HMBOX1: variants seen among roughly 807,000 people sequenced by gnomAD.
HMBOX1 encodes the protein homeobox containing 1, also known as homeobox-containing protein 1.
In HMBOX1, 14 loss-of-function variants were observed where a neutral mutation model predicts 54.5. That is an observed-to-expected ratio of 0.26 (90% CI 0.17 to 0.40). The LOEUF (loss-of-function observed/expected upper bound fraction) is 0.40. HMBOX1 is among the 10% of genes least tolerant of loss of function. HMBOX1 has a pLI of 1.00. For synonymous variants in HMBOX1, 160 were observed against 181.0 expected, an observed-to-expected ratio of 0.88 and a Z score of 0.93; for missense variants, 332 against 514.4, an observed-to-expected ratio of 0.65 and a Z score of 3.43.
intron 1 of HMBOX1, among the ~76,000 whole-genome samples, chr8:28,958,706 T>G (rs1387560882): frequency 6.6e-6 from 1 of 152,214 alleles, no homozygotes; most frequent in Non-Finnish European, 1.5e-5. Flanking sequence ...GCATGCAATC[T>G]TAATTTTATT....
Position 29,045,430 on chromosome 8 carries a change from T to C in HMBOX1, c.921T>C (p.Val307=). 6.2e-7 allele frequency: 1 copy of C among 1,614,000 alleles called. No individual in the cohort carries two copies. The highest frequency in any genetic ancestry group is 1.3e-5 in the African/African-American group (1 of 75,074). ...REEIANACNA[V]IQKPGKKLSD... is the part of the protein sequence containing the mutation. ...AAATTGCAAACGCTTGCAATGCAGT[T>C]ATACAGAAGCCAGGTAAGGTCGCAG... The change falls in exon 7 of 10, where the codon GTT becomes GTC. Residue 307 remains valine, a synonymous_variant. Coordinates refer to ENST00000287701, the MANE Select transcript of HMBOX1 (RefSeq NM_001135726.3).
At chr8:29,015,883 G>A (rs183593110) in intron 5 of HMBOX1, among the ~76,000 whole-genome samples, 2 of 152,310 alleles carry the variant, frequency 1.3e-5, no homozygotes, top group African/African-American at 2.4e-5. Context: ...GAATGAGCAT[G>A]AGCATGTTTC....
chr8:28,942,899 G>T (rs1326333063), intron 1 of HMBOX1, among the ~76,000 whole-genome samples: 1 of 152,144 alleles, frequency 6.6e-6, no homozygotes, highest in Admixed American at 6.5e-5. Context: ...GTTAAAAGTT[G>T]TTTGCATTGT....
chr8:28,897,674 TCAAA>T (rs1039100186), intron 1 of HMBOX1, among the ~76,000 whole-genome samples: 3 of 152,164 alleles, frequency 2.0e-5, no homozygotes, highest in Admixed American at 6.5e-5. Flanking sequence ...AGACTCTATC[TCAAA>T]CAAACAAACA....
intron 1 of HMBOX1, among the ~76,000 whole-genome samples, chr8:28,893,277 C>T (rs189673990): frequency 6.6e-6 from 1 of 152,236 alleles, no homozygotes; most frequent in Admixed American, 6.5e-5. Context: ...AAGCATAAAA[C>T]ATTCTCAGCA....
chr8:28,961,375 T>C lies in HMBOX1; in HGVS notation c.-57-2436T>C, dbSNP rs561274794. On this transcript the variant is annotated intron_variant, in intron 1 of 9. Transcript: ENST00000287701. ...TTAAATAATAACTTCTCATTATTCC[T>C]TGCCCATTTTACCCACCATGCTACT... 1.9e-4 allele frequency among the ~76,000 whole-genome samples: 29 copies of C among 152,314 alleles called. No individual in the cohort carries two copies. In the South Asian group the frequency reaches 6.0e-3, roughly 32 times the overall value.
intron 4 of HMBOX1, among the ~76,000 whole-genome samples, chr8:29,000,033 T>C (rs1832406269): frequency 6.6e-6 from 1 of 152,200 alleles, no homozygotes; most frequent in African/African-American, 2.4e-5. Context: ...TCCCTTGGAT[T>C]TATTATTGCT....
At chr8:28,896,512 TG>T (rs1812155598) in intron 1 of HMBOX1, among the ~76,000 whole-genome samples, 1 of 148,872 alleles carries the variant, frequency 6.7e-6, no homozygotes, top group African/African-American at 2.4e-5. Context: ...AACCAATTAT[TG>T]GATCAGTAAT....
intron 3 of HMBOX1, among the ~76,000 whole-genome samples, chr8:28,978,058 GATTA>G (rs1828730279): frequency 6.6e-6 from 1 of 152,184 alleles, no homozygotes; most frequent in African/African-American, 2.4e-5. Flanking sequence ...TTAGGCAGCT[GATTA>G]ATTTTTTCCT....
At position 29,052,841 on chromosome 8, in the gene HMBOX1, C is replaced by A. The variant is rs1806565917; in HGVS notation, c.*1686C>A. ...TATAATGAAGCCTTGTTTAAAGGGG[C>A]ATGTGGGGCTGGATGTTAAGCACGG... On this transcript the variant is annotated 3_prime_UTR_variant, in exon 10 of 10. Coordinates refer to ENST00000287701, the MANE Select transcript of HMBOX1 (RefSeq NM_001135726.3). The A allele has an allele frequency of 6.6e-6, 1 of 152,140 alleles. No homozygotes were observed. The highest frequency in any genetic ancestry group is 1.5e-5 in the Non-Finnish European group (1 of 68,046). The allele number at this position is 152,140 out of a possible 1,614,324, so 9.4% of individuals were successfully genotyped here. A position where few individuals can be genotyped will look rare whatever the true frequency, so the allele number is the denominator to read the frequency against.
At chr8:28,983,801 G>A (rs1007652622) in intron 4 of HMBOX1, among the ~76,000 whole-genome samples, 5 of 152,136 alleles carry the variant, frequency 3.3e-5, no homozygotes, top group African/African-American at 1.2e-4. Context: ...GTGAATTTTT[G>A]CCCTTAAGGA....
chr8:28,988,853 C>G (rs1830532350), intron 4 of HMBOX1, among the ~76,000 whole-genome samples: 2 of 151,908 alleles, frequency 1.3e-5, no homozygotes, highest in Non-Finnish European at 2.9e-5. Context: ...TACATATTTC[C>G]TAGTCTGAGG....
At position 28,901,922 on chromosome 8, in the gene HMBOX1, A is replaced by G. The variant is rs118000338; in HGVS notation, c.-58+11244A>G. 6.2e-3 allele frequency among the ~76,000 whole-genome samples: 937 copies of G among 152,298 alleles called. 8 individuals are homozygous for G. The highest frequency in any genetic ancestry group is 8.8e-3 in the Non-Finnish European group (596 of 68,022). On this transcript the variant is annotated intron_variant, in intron 1 of 9. Coordinates refer to ENST00000287701, the MANE Select transcript of HMBOX1 (RefSeq NM_001135726.3). The stretch of plus-strand genomic sequence containing the variant: ...TCCTTATCTTACTAGTTAAAACCTT[A>G]TACTTAAAACCCAGTTAAATCCTTC...
intron 6 of HMBOX1, among the ~76,000 whole-genome samples, chr8:29,031,085 A>G (rs1802889126): frequency 6.6e-6 from 1 of 152,246 alleles, no homozygotes; most frequent in African/African-American, 2.4e-5. Flanking sequence ...GTTTATCTCT[A>G]AAACTTGTTT....
At chr8:28,999,657 T>C (rs927703758) in intron 4 of HMBOX1, among the ~76,000 whole-genome samples, 2 of 152,146 alleles carry the variant, frequency 1.3e-5, no homozygotes, top group Admixed American at 1.3e-4. Context: ...TTCCAGTTCA[T>C]ATCTACCGTT....
chr8:28,973,812 T>TTTTTTTTTGTTTG (rs1563501691), intron 3 of HMBOX1, among the ~76,000 whole-genome samples: 5 of 26,060 alleles, frequency 1.9e-4, no homozygotes, highest in African/African-American at 6.5e-4. Flanking sequence ...AGTTTTTTTT[T>TTTTTTTTTGTTTG]TTTTTTTTTT....
chr8:28,998,689 A>G (rs116487726), intron 4 of HMBOX1, among the ~76,000 whole-genome samples: 7 of 152,078 alleles, frequency 4.6e-5, no homozygotes, highest in Middle Eastern at 3.4e-3. Flanking sequence ...TTTGTTTTCT[A>G]TATGTGTTTC....
intron 1 of HMBOX1, among the ~76,000 whole-genome samples, chr8:28,936,071 A>C (rs560442857): frequency 6.6e-6 from 1 of 152,158 alleles, no homozygotes; most frequent in East Asian, 1.9e-4. Flanking sequence ...GTTATTATAC[A>C]TAGTTGGTCC....
At chr8:29,009,291 C>T in intron 5 of HMBOX1, 109 bp downstream of exon 5, 10 of 1,076,214 alleles carry the variant, frequency 9.3e-6, no homozygotes, top group Non-Finnish European at 1.3e-5. Flanking sequence ...TCATACTTTA[C>T]TATGGTTGCT....
Sources: allele counts gnomAD v4.1 joint callset (sites outside exome capture counted in the v4.1 genomes callset), GRCh38; gene constraint gnomAD v4.1.1; transcripts MANE v1.5; gene names NCBI Gene and HGNC (gene_info 2026-07-23, HGNC 2026-07-21).